Variants in PIK3CD observed in about 807,000 individuals in gnomAD.
The protein encoded by PIK3CD is phosphatidylinositol 4,5-bisphosphate 3-kinase catalytic subunit delta isoform.
PIK3CD carries 20 observed loss-of-function variants against 122.9 expected under a neutral mutation model. That is an observed-to-expected ratio of 0.16 (90% CI 0.11 to 0.24). The LOEUF (loss-of-function observed/expected upper bound fraction) is 0.24. Among genes scored for constraint, PIK3CD ranks in the 10% least tolerant of loss-of-function variants. The probability of loss-of-function intolerance (pLI) is 1.00; values close to 1 mark genes in which losing one functional copy is unlikely to be tolerated. For synonymous variants in PIK3CD, 596 were observed against 593.4 expected, an observed-to-expected ratio of 1.00 and a Z score of -0.06; for missense variants, 787 against 1,406.3, an observed-to-expected ratio of 0.56 and a Z score of 7.04.
At chr1:9,698,903 G>A (rs1474071400) in intron 2 of PIK3CD, among the ~76,000 whole-genome samples, 3 of 151,996 alleles carry the variant, frequency 2.0e-5, no homozygotes, top group South Asian at 2.1e-4. Flanking sequence ...TCTTTGTTGC[G>A]GAGGCCAGGT....
Position 9,719,061 on chromosome 1 carries a change from C to T in PIK3CD, c.1242+146C>T. On this transcript the variant is annotated intron_variant, in intron 9 of 23. Transcript: ENST00000377346. This position sits in a 1 kb window ranked among gnomAD's most constrained non-coding sequence, Gnocchi z 5.5. ...TGCTTGTGGACCCCAGCCTCCTCAC[C>T]CACCCTAGTCTGGCCACCAGCCCTG... 1 of 768,892 alleles carries T rather than the reference C, an allele frequency of 1.3e-6. No homozygotes were observed. The highest frequency in any genetic ancestry group is 2.2e-6 in the Non-Finnish European group (1 of 459,854). The allele number at this position is 768,892 out of a possible 1,614,324, so 47.6% of individuals were successfully genotyped here.
At position 9,716,466 on chromosome 1, in the gene PIK3CD, C is replaced by G. The variant is rs1647465710; in HGVS notation, c.627C>G (p.Thr209=). ...AGAGCTTCACCTTCCAGGTGTCCACCAAGGACGTGCCGCTGGCGCTGATGG... is the reference window on the plus strand; with the variant it reads ...AGAGCTTCACCTTCCAGGTGTCCACGAAGGACGTGCCGCTGGCGCTGATGG... The part of the protein sequence containing the change: ...SEESFTFQVS[T]KDVPLALMAC... Residue 209 remains threonine, a synonymous_variant, in exon 6 of 24, where the codon ACC becomes ACG. Transcript: ENST00000377346. The G allele has an allele frequency of 6.2e-7, 1 of 1,611,126 alleles. No individual in the cohort carries two copies. Among genetic ancestry groups the G allele is most frequent in the Non-Finnish European group, 8.5e-7 (1 of 1,179,928 alleles).
At chr1:9,669,585 C>A (rs564958614) in intron 1 of PIK3CD, among the ~76,000 whole-genome samples, 1 of 152,156 alleles carries the variant, frequency 6.6e-6, no homozygotes, top group African/African-American at 2.4e-5. Flanking sequence ...CTCGGCCTCG[C>A]AAAGTACTGG....
chr1:9,727,016 C>T lies in PIK3CD; in HGVS notation c.3105C>T (p.Ala1035=), dbSNP rs190945758. 1.2e-6 allele frequency: 2 copies of T among 1,614,078 alleles called. No individual in the cohort carries two copies. The highest frequency in any genetic ancestry group is 2.2e-5 in the East Asian group (1 of 44,870). ...ESWKTKVNWL[A]HNVSKDNRQ ...GGAAAACCAAAGTGAACTGGCTGGC[C>T]CACAACGTGTCCAAAGACAACAGGC... Residue 1035 remains alanine (A), a synonymous_variant, in exon 24 of 24, where the codon GCC becomes GCT. Transcript: ENST00000377346.
intron 1 of PIK3CD, among the ~76,000 whole-genome samples, chr1:9,675,647 G>A (rs918609470): frequency 6.6e-6 from 1 of 152,078 alleles, no homozygotes; most frequent in Admixed American, 6.6e-5. Flanking sequence ...GGAGTCAGGC[G>A]GCTATGCAGG....
chr1:9,720,664 G>A lies in PIK3CD; in HGVS notation c.1521+3G>A, dbSNP rs1648413921. 3 of 1,468,044 alleles carry A rather than the reference G, an allele frequency of 2.0e-6. No individual in the cohort carries two copies. In the South Asian group the frequency reaches 3.6e-5, roughly 18 times the overall value. The allele number at this position is 1,468,044 out of a possible 1,614,324, so 90.9% of individuals were successfully genotyped here. ...GTGTGCATGTCACCGAGGAGGAGGT[G>A]AGTGGGGTGGGGGTGTGGGGTGGGG... On this transcript the variant is annotated splice_donor_region_variant and intron_variant, in intron 12 of 23. Coordinates refer to ENST00000377346, the MANE Select transcript of PIK3CD (RefSeq NM_005026.5). The surrounding 1 kb of genome is among the most constrained non-coding windows in gnomAD (Gnocchi z 9.0).
intron 1 of PIK3CD, among the ~76,000 whole-genome samples, chr1:9,667,775 C>G (rs1365831766): frequency 6.9e-6 from 1 of 145,886 alleles, no homozygotes; most frequent in South Asian, 2.2e-4. Context: ...CTCACTCTGT[C>G]GCCCACACTG....
intron 2 of PIK3CD, among the ~76,000 whole-genome samples, chr1:9,709,107 G>A (rs1378783604): frequency 1.3e-5 from 2 of 151,886 alleles, no homozygotes; most frequent in Non-Finnish European, 2.9e-5. Context: ...TCGGCTCACT[G>A]CAACCTCCAA....
intron 2 of PIK3CD, among the ~76,000 whole-genome samples, chr1:9,703,159 CAAG>C (rs1415509798): frequency 1.3e-5 from 2 of 152,182 alleles, no homozygotes; most frequent in Non-Finnish European, 2.9e-5. Flanking sequence ...TCTGCTACCC[CAAG>C]AAGAAGTCCC....
intron 3 of PIK3CD, among the ~76,000 whole-genome samples, chr1:9,712,496 G>C (rs1465249233): frequency 6.6e-6 from 1 of 152,014 alleles, no homozygotes; most frequent in Non-Finnish European, 1.5e-5. Context: ...GGCCAGGCTG[G>C]TCTCGAACTC....
In PIK3CD at chr1:9,689,594, C is replaced by T. The variant is rs1646116366; in HGVS notation, c.-137-1873C>T. Among the ~76,000 whole-genome samples the T allele has an allele frequency of 6.7e-6, 1 of 150,026 alleles. No homozygotes were observed. The highest frequency in any genetic ancestry group is 6.6e-5 in the Admixed American group (1 of 15,118). ...CACCTCGCGCGGCGGGCCTGCCCTC[C>T]GGCCCCCGCCGGCCCCGCGCCGCTG... is the stretch of plus-strand genomic sequence containing the variant. On this transcript the variant is annotated intron_variant, in intron 1 of 23. Transcript: ENST00000377346. The surrounding 1 kb of genome is among the most constrained non-coding windows in gnomAD (Gnocchi z 6.1).
chr1:9,654,720 G>A, intron 1 of PIK3CD: 2 of 340,764 alleles, frequency 5.9e-6, no homozygotes, highest in South Asian at 4.5e-5. Flanking sequence ...GCCTGATGGT[G>A]GGGTTTGGGG....
chr1:9,630,739 T>TGTGTGTGTGTGTGTGTGTGCGCGC, the PIK3CD span, among the ~76,000 whole-genome samples: 1 of 150,852 alleles, frequency 6.6e-6, no homozygotes, highest in South Asian at 2.1e-4. Flanking sequence ...TGTGTGTGTG[T>TGTGTGTGTGTGTGTGTGTGCGCGC]GCAGAAGAGG....
chr1:9,638,154 T>C, the PIK3CD span, among the ~76,000 whole-genome samples: 3 of 151,224 alleles, frequency 2.0e-5, no homozygotes, highest in African/African-American at 4.9e-5. Flanking sequence ...AAAGGAGCTC[T>C]ACGTGAGTAA....
chr1:9,724,196 C>A lies in PIK3CD; in HGVS notation c.2719-80C>A. 2 of 1,613,034 alleles carry A rather than the reference C, an allele frequency of 1.2e-6. No homozygotes were observed. The highest frequency in any genetic ancestry group is 8.5e-7 in the Non-Finnish European group (1 of 1,179,626). Reference sequence around the variant, plus strand: ...AGCTCTGTGGCAGGGGTCCCCCAGCCCTGCTGGCTTCCTGTCTCCCCTGGA... The same window carrying A: ...AGCTCTGTGGCAGGGGTCCCCCAGCACTGCTGGCTTCCTGTCTCCCCTGGA... On this transcript the variant is annotated intron_variant, in intron 21 of 23. Transcript: ENST00000377346. The surrounding 1 kb of genome is among the most constrained non-coding windows in gnomAD (Gnocchi z 7.3).
chr1:9,709,297 G>A (rs1646959726), intron 2 of PIK3CD, among the ~76,000 whole-genome samples: 1 of 152,084 alleles, frequency 6.6e-6, no homozygotes, highest in Admixed American at 6.5e-5. Flanking sequence ...GCCTGCCTGG[G>A]CCTCCCAAAG....
At chr1:9,690,026 G>A (rs529740972) in intron 1 of PIK3CD, among the ~76,000 whole-genome samples, 15 of 152,182 alleles carry the variant, frequency 9.9e-5, no homozygotes, top group African/African-American at 1.9e-4. Flanking sequence ...GATGGGATCC[G>A]TGAGGCCTCC....
At chr1:9,664,051 T>TC (rs1302350046) in intron 1 of PIK3CD, among the ~76,000 whole-genome samples, 1 of 82,136 alleles carries the variant, frequency 1.2e-5, no homozygotes, top group African/African-American at 4.0e-5. Flanking sequence ...CTTTCTTTCT[T>TC]TTTTTTTTTT....
intron 2 of PIK3CD, among the ~76,000 whole-genome samples, chr1:9,706,488 A>G (rs1299151992): frequency 1.3e-5 from 2 of 152,078 alleles, no homozygotes; most frequent in Non-Finnish European, 2.9e-5. Context: ...GTAAGACCCT[A>G]TCTCAACAGA....
Sources: gnomAD v4.1 joint callset for allele counts (sites outside exome capture counted in the v4.1 genomes callset) on GRCh38, gnomAD v4.1.1 for gene constraint, Gnocchi (gnomAD v3.1) non-coding constraint, MANE v1.5 for transcripts, NCBI Gene and HGNC (gene_info 2026-07-23, HGNC 2026-07-21) for gene names.